Variants in CADPS2 observed in about 807,000 individuals in gnomAD.
CADPS2 encodes the protein calcium dependent secretion activator 2, also known as calcium-dependent secretion activator 2.
CADPS2 carries 93 observed loss-of-function variants against 172.5 expected under a neutral mutation model. The observed-to-expected ratio is 0.54, with a 90% CI of 0.46 to 0.64. CADPS2 has a LOEUF of 0.64. Ranked by LOEUF, CADPS2 falls within the 30% of genes least tolerant of loss-of-function variation. The probability of loss-of-function intolerance (pLI) is 0.00; values close to 1 mark genes in which losing one functional copy is unlikely to be tolerated. For missense variants in CADPS2, 1,420 were observed against 1,565.9 expected, an observed-to-expected ratio of 0.91 and a Z score of 1.57; for synonymous variants, 546 against 555.2, an observed-to-expected ratio of 0.98 and a Z score of 0.23.
At chr7:122,858,250 G>A (rs949267261) in intron 1 of CADPS2, among the ~76,000 whole-genome samples, 6 of 152,050 alleles carry the variant, frequency 3.9e-5, no homozygotes, top group African/African-American at 1.4e-4. Context: ...CTACCCAGAA[G>A]TCCAGCTGGC....
intron 1 of CADPS2, among the ~76,000 whole-genome samples, chr7:122,868,536 T>A (rs1408438229): frequency 6.6e-6 from 1 of 152,226 alleles, no homozygotes; most frequent in East Asian, 1.9e-4. Flanking sequence ...AGACAGCAGG[T>A]TGGACAAACA....
chr7:122,497,897 G>A (rs1434197640), intron 9 of CADPS2, among the ~76,000 whole-genome samples: 1 of 152,092 alleles, frequency 6.6e-6, no homozygotes, highest in East Asian at 1.9e-4. Flanking sequence ...ATATTCCATT[G>A]TCAGAAGGCT....
intron 6 of CADPS2, among the ~76,000 whole-genome samples, chr7:122,581,640 AT>A (rs1445332189): frequency 1.3e-5 from 2 of 152,106 alleles, no homozygotes; most frequent in African/African-American, 4.8e-5. Context: ...AGCTGGGAAA[AT>A]TGCTCAGGGT....
intron 3 of CADPS2, among the ~76,000 whole-genome samples, chr7:122,647,470 TA>T (rs2078688578): frequency 6.6e-6 from 1 of 152,196 alleles, no homozygotes; most frequent in Non-Finnish European, 1.5e-5. Context: ...ATAGTAATAA[TA>T]GAAGTCTTTC....
chr7:122,483,410 TC>T (rs2057495046), intron 11 of CADPS2, among the ~76,000 whole-genome samples: 1 of 152,084 alleles, frequency 6.6e-6, no homozygotes, highest in African/African-American at 2.4e-5. Context: ...ATACTTTTTT[TC>T]GTATATAAAG....
At chr7:122,450,316 AG>A (rs1395468680) in intron 15 of CADPS2, among the ~76,000 whole-genome samples, 1 of 152,160 alleles carries the variant, frequency 6.6e-6, no homozygotes, top group Non-Finnish European at 1.5e-5. Flanking sequence ...CATGCAACAT[AG>A]CAGACAGGTT....
chr7:122,414,449 A>T (rs926539973), intron 18 of CADPS2, among the ~76,000 whole-genome samples: 1 of 152,188 alleles, frequency 6.6e-6, no homozygotes, highest in African/African-American at 2.4e-5. Context: ...AAAAATCCTA[A>T]CACTCTGACA....
intron 1 of CADPS2, among the ~76,000 whole-genome samples, chr7:122,817,639 T>C (rs139812054): frequency 0.016 from 2,462 of 152,140 alleles, 68 homozygotes; most frequent in African/African-American, 0.056. Context: ...CCTGCTTTTC[T>C]GGGAAAGGGG....
intron 7 of CADPS2, among the ~76,000 whole-genome samples, chr7:122,573,714 C>T (rs2067579846): frequency 6.6e-6 from 1 of 152,088 alleles, no homozygotes. Context: ...ATATATTACA[C>T]AGTAATTCAT....
intron 8 of CADPS2, among the ~76,000 whole-genome samples, chr7:122,535,385 T>C (rs1586945277): frequency 1.3e-5 from 2 of 152,122 alleles, no homozygotes; most frequent in South Asian, 4.1e-4. Flanking sequence ...TATTATTTAA[T>C]GTGATAGATT....
At chr7:122,423,315 C>T (rs1452135549) in intron 17 of CADPS2, among the ~76,000 whole-genome samples, 1 of 152,024 alleles carries the variant, frequency 6.6e-6, no homozygotes, top group Middle Eastern at 3.2e-3. Flanking sequence ...CTTCCTTGCC[C>T]ATTAAAAAAA....
intron 1 of CADPS2, among the ~76,000 whole-genome samples, chr7:122,847,380 C>G (rs1008586840): frequency 6.6e-6 from 1 of 152,222 alleles, no homozygotes; most frequent in African/African-American, 2.4e-5. Flanking sequence ...AGCCACCGTG[C>G]CCAGCCGGTA....
At chr7:122,616,290 CATCT>C (rs982197489) in intron 5 of CADPS2, among the ~76,000 whole-genome samples, 3 of 152,026 alleles carry the variant, frequency 2.0e-5, no homozygotes, top group Non-Finnish European at 4.4e-5. Flanking sequence ...GCGACCAAAA[CATCT>C]ATCATAAACA....
At chr7:122,770,387 T>G (rs1167525743) in intron 1 of CADPS2, among the ~76,000 whole-genome samples, 1 of 152,106 alleles carries the variant, frequency 6.6e-6, no homozygotes, top group African/African-American at 2.4e-5. Context: ...ATTTTTTATT[T>G]TTGGAAAACC....
At chr7:122,671,146 C>T (rs753535716) in intron 2 of CADPS2, among the ~76,000 whole-genome samples, 4 of 152,094 alleles carry the variant, frequency 2.6e-5, no homozygotes, top group Non-Finnish European at 4.4e-5. Context: ...ACACTGTTAC[C>T]GTAATATTTA....
chr7:122,447,065 T>C (rs542425333), intron 15 of CADPS2, among the ~76,000 whole-genome samples: 1 of 126,700 alleles, frequency 7.9e-6, no homozygotes, highest in South Asian at 2.7e-4. Flanking sequence ...TTTGACCACA[T>C]TCCCCCACTA....
chr7:122,596,092 G>T (rs1267027429), intron 6 of CADPS2, among the ~76,000 whole-genome samples: 1 of 152,058 alleles, frequency 6.6e-6, no homozygotes, highest in Non-Finnish European at 1.5e-5. Flanking sequence ...TGCTGCTGCT[G>T]GTTCCTGTGA....
At chr7:122,694,261 G>T (rs950177362) in intron 2 of CADPS2, among the ~76,000 whole-genome samples, 1 of 152,160 alleles carries the variant, frequency 6.6e-6, no homozygotes, top group Admixed American at 6.5e-5. Context: ...AAACTGCTTG[G>T]AATGAGAACC....
chr7:122,510,098 C>T (rs1196023126), intron 9 of CADPS2, among the ~76,000 whole-genome samples: 1 of 151,992 alleles, frequency 6.6e-6, no homozygotes, highest in Non-Finnish European at 1.5e-5. Context: ...ATTAAAGTAT[C>T]TTAAGTACTT....
Sources: gnomAD v4.1 joint callset for allele counts (sites outside exome capture counted in the v4.1 genomes callset) on GRCh38, gnomAD v4.1.1 for gene constraint, MANE v1.5 for transcripts, NCBI Gene and HGNC (gene_info 2026-07-23, HGNC 2026-07-21) for gene names.